The following ZSWIM7 variants were observed in gnomAD, a reference collection of about 807,000 sequenced individuals.
ZSWIM7 encodes zinc finger SWIM-type containing 7, also known as zinc finger SWIM domain-containing protein 7.
In ZSWIM7, 22 loss-of-function variants were observed where a neutral mutation model predicts 21.1. The ratio of observed to expected loss-of-function variants is 1.04; its 90% confidence interval spans 0.74 to 1.49. The LOEUF is 1.49. ZSWIM7 is among the 40% of genes most tolerant of loss of function. ZSWIM7 has a pLI of 0.00. For missense variants in ZSWIM7, 193 were observed against 168.0 expected, an observed-to-expected ratio of 1.15 and a Z score of -0.82; for synonymous variants, 67 against 66.5, an observed-to-expected ratio of 1.01 and a Z score of -0.04.
Position 15,991,912 on chromosome 17 carries a change from T to G in ZSWIM7, c.98+1845A>C, listed in dbSNP as rs867502556. ...CTCCTGGGACAGGTTTTGTTTTTTT[T>G]TGTTTGTTTTGTTTTGTTTTGTTTT... On this transcript the variant is annotated intron_variant, in intron 2 of 4. Coordinates refer to ENST00000399277, the MANE Select transcript of ZSWIM7 (RefSeq NM_001042697.2). Among the ~76,000 whole-genome samples the G allele has an allele frequency of 1.0e-2, 1,404 of 141,048 alleles. 42 individuals carry two copies. Among genetic ancestry groups the G allele is most frequent in the African/African-American group, 0.035 (1,308 of 36,994 alleles). The allele number at this position is 141,048 out of a possible 152,430, so 92.5% of individuals were successfully genotyped here. A position where few individuals can be genotyped will look rare whatever the true frequency, so the allele number is the denominator to read the frequency against.
At chr17:15,999,370 TG>T in intron 1 of ZSWIM7, 148 bp downstream of exon 1, 1 of 1,047,396 alleles carries the variant, frequency 9.5e-7, no homozygotes, top group Non-Finnish European at 1.4e-6. Context: ...TTTGTTTTTT[TG>T]TCTTTTTACG....
At chr17:15,981,535 G>A (rs1597437466) in intron 3 of ZSWIM7, among the ~76,000 whole-genome samples, 1 of 152,122 alleles carries the variant, frequency 6.6e-6, no homozygotes, top group Non-Finnish European at 1.5e-5. Context: ...TTCACAGCAG[G>A]TGTATAAATT....
rs770195187 is a variant in ZSWIM7, at chr17:15,981,085, A to C, written c.261T>G (p.Cys87Trp). ...GTAGCACTGAGAATGCAAATGCAGG[A>C]CATGAACAGTAATGACAAGAAGCCA... ...TCLASCHYCS[C>W]PAFAFSVLRK... is the part of the protein sequence containing the mutation. Residue 87 changes from cysteine (C) to tryptophan (W), a missense_variant, in exon 4 of 5, where the codon TGT becomes TGG. Transcript: ENST00000399277. The C allele has an allele frequency of 6.2e-7, 1 of 1,614,028 alleles. No homozygotes were observed. Among genetic ancestry groups the C allele is most frequent in the Non-Finnish European group, 8.5e-7 (1 of 1,179,938 alleles).
intron 3 of ZSWIM7, among the ~76,000 whole-genome samples, chr17:15,982,628 G>A (rs1970368194): frequency 6.6e-6 from 1 of 152,100 alleles, no homozygotes; most frequent in Non-Finnish European, 1.5e-5. Flanking sequence ...AGTTATCCCA[G>A]TACAGCTTTT....
chr17:15,990,388 C>T (rs1014458711), intron 2 of ZSWIM7, among the ~76,000 whole-genome samples: 1 of 151,430 alleles, frequency 6.6e-6, no homozygotes, highest in African/African-American at 2.4e-5. Context: ...CTGTGTTGCC[C>T]AGGTTGGAGT....
At chr17:15,979,885 C>G (rs1439363341) in intron 4 of ZSWIM7, among the ~76,000 whole-genome samples, 1 of 47,876 alleles carries the variant, frequency 2.1e-5, no homozygotes, top group African/African-American at 1.8e-4. Flanking sequence ...GCTGACCCCC[C>G]CACCTCCCTC....
intron 1 of ZSWIM7, among the ~76,000 whole-genome samples, chr17:15,996,557 C>T (rs4792711): frequency 0.46 from 69,552 of 151,760 alleles, 16,831 homozygotes; most frequent in Middle Eastern, 0.59. Flanking sequence ...GAGTGAGACC[C>T]GGTCTCAAAA....
At chr17:15,983,673 A>G (rs1473010915) in intron 3 of ZSWIM7, among the ~76,000 whole-genome samples, 2 of 151,930 alleles carry the variant, frequency 1.3e-5, no homozygotes, top group East Asian at 3.9e-4. Flanking sequence ...TGCAACCTCC[A>G]CCTCCTGGGT....
At chr17:15,984,484 G>C (rs548733112) in intron 3 of ZSWIM7, among the ~76,000 whole-genome samples, 1 of 152,180 alleles carries the variant, frequency 6.6e-6, no homozygotes, top group Admixed American at 6.5e-5. Context: ...GAACTTGTAG[G>C]AACCTCACTT....
rs558839466 is a variant in ZSWIM7, at chr17:15,977,682, C to T, written c.*365G>A. On this transcript the variant is annotated 3_prime_UTR_variant, in exon 5 of 5. Coordinates refer to ENST00000399277, the MANE Select transcript of ZSWIM7 (RefSeq NM_001042697.2). ...TCACGCCACTGCACCCCAGCCTGGG[C>T]GACAAAGTGAGACTCCATCTCAAAA... The T allele has an allele frequency of 2.6e-5, 4 of 154,398 alleles. No homozygotes were observed. The highest frequency in any genetic ancestry group is 5.6e-5 in the Non-Finnish European group (4 of 70,996). The allele number at this position is 154,398 out of a possible 1,614,324, so 9.6% of individuals were successfully genotyped here.
At chr17:15,981,740 C>T (rs1022975483) in intron 3 of ZSWIM7, among the ~76,000 whole-genome samples, 3 of 151,880 alleles carry the variant, frequency 2.0e-5, no homozygotes, top group Non-Finnish European at 4.4e-5. Context: ...GGTGAGACCT[C>T]GTTTCTATAG....
chr17:15,998,885 G>T (rs1214822287), intron 1 of ZSWIM7, among the ~76,000 whole-genome samples: 1 of 151,788 alleles, frequency 6.6e-6, no homozygotes, highest in African/African-American at 2.4e-5. Flanking sequence ...CTCCTGAGTA[G>T]CTGGAATTAC....
chr17:15,997,200 A>G lies in ZSWIM7; in HGVS notation c.76+2319T>C, dbSNP rs1446080000. Among the ~76,000 whole-genome samples, 4 of 151,992 alleles carry G rather than the reference A, an allele frequency of 2.6e-5. No homozygotes were observed. The East Asian group carries it at 7.7e-4, about 29-fold the overall frequency. On this transcript the variant is annotated intron_variant, in intron 1 of 4. Transcript: ENST00000399277. Reference sequence around the variant, plus strand: ...AGTAAACTGAGAAAAAGAAAACTGTAGGATATACTAAACATAGGACCCAAC... The same window carrying G: ...AGTAAACTGAGAAAAAGAAAACTGTGGGATATACTAAACATAGGACCCAAC...
intron 2 of ZSWIM7, among the ~76,000 whole-genome samples, chr17:15,990,355 A>ATTC (rs1301401529): frequency 9.2e-5 from 14 of 151,386 alleles, no homozygotes; most frequent in Admixed American, 6.6e-4. Flanking sequence ...TATTATTATT[A>ATTC]TTATTACTGA....
At position 15,982,825 on chromosome 17, in the gene ZSWIM7, A is replaced by AT. The variant is rs973113259; in HGVS notation, c.202-1682dup. 4.6e-5 allele frequency among the ~76,000 whole-genome samples: 7 copies of AT among 151,598 alleles called. No individual in the cohort carries two copies. In the East Asian group the frequency reaches 9.7e-4, roughly 21 times the overall value. Reference sequence around the variant, plus strand: ...GCCACCACCCTATGCTAATTTTAAAATTTTTTTTGTAGAGATGGGGTCTTG... The same window carrying AT: ...GCCACCACCCTATGCTAATTTTAAAATTTTTTTTTGTAGAGATGGGGTCTTG... On this transcript the variant is annotated intron_variant, in intron 3 of 4. Transcript: ENST00000399277.
Position 15,982,013 on chromosome 17 carries a change from G to A in ZSWIM7, c.202-869C>T, listed in dbSNP as rs148461675. ...GAATAAATAAAGCAAAGACCCTTGC[G>A]AAAGGAATGACTCAGCTGTTCAGGA... On this transcript the variant is annotated intron_variant, in intron 3 of 4. Transcript: ENST00000399277. 7.2e-3 allele frequency among the ~76,000 whole-genome samples: 1,103 copies of A among 152,266 alleles called. 14 individuals carry two copies. The highest frequency in any genetic ancestry group is 0.025 in the African/African-American group (1,030 of 41,544).
chr17:15,978,423 C>A (rs1240677286), intron 4 of ZSWIM7, among the ~76,000 whole-genome samples: 3 of 152,076 alleles, frequency 2.0e-5, no homozygotes, highest in Non-Finnish European at 2.9e-5. Flanking sequence ...TATGGCAAAA[C>A]CCTGTCTCCA....
intron 3 of ZSWIM7, among the ~76,000 whole-genome samples, chr17:15,986,596 A>C (rs1970413987): frequency 6.6e-6 from 1 of 151,954 alleles, no homozygotes; most frequent in Non-Finnish European, 1.5e-5. Flanking sequence ...CCCTGTCTTT[A>C]TTTAAAACAA....
intron 4 of ZSWIM7, among the ~76,000 whole-genome samples, chr17:15,978,475 G>A (rs1033967034): frequency 6.6e-6 from 1 of 152,214 alleles, no homozygotes. Flanking sequence ...GTACATGCCT[G>A]TAATTCCAGC....
Sources: allele counts gnomAD v4.1 joint callset (sites outside exome capture counted in the v4.1 genomes callset), GRCh38; gene constraint gnomAD v4.1.1; transcripts MANE v1.5; gene names NCBI Gene and HGNC (gene_info 2026-07-23, HGNC 2026-07-21).